TTLL11: variants seen among roughly 807,000 people sequenced by gnomAD.
The protein encoded by TTLL11 is tubulin tyrosine ligase like 11, also known as tubulin polyglutamylase TTLL11.
Under a neutral mutation model 51.7 loss-of-function variants are expected in TTLL11, and 42 were observed. The ratio of observed to expected loss-of-function variants is 0.81; its 90% CI spans 0.64 to 1.05. The LOEUF is 1.05. Among genes scored for constraint, TTLL11 ranks in the 50% least tolerant of loss-of-function variants. TTLL11 has a pLI of 0.00. For synonymous variants in TTLL11, 381 were observed against 383.5 expected (o/e 0.99, Z 0.08); for missense variants, 799 against 940.4 (o/e 0.85, Z 1.97).
chr9:121,878,992 G>A (rs1838671607), intron 6 of TTLL11, among the ~76,000 whole-genome samples: 2 of 152,194 alleles, frequency 1.3e-5, no homozygotes, highest in Non-Finnish European at 2.9e-5. Flanking sequence ...CTCACAAGCT[G>A]TGTGACCTTG....
At chr9:121,826,513 A>ATATATATATATGTGTG (rs1564260406) in intron 8 of TTLL11, among the ~76,000 whole-genome samples, 1 of 89,166 alleles carries the variant, frequency 1.1e-5, no homozygotes, top group South Asian at 3.7e-4. Context: ...ATATATATAT[A>ATATATATATATGTGTG]TGTATATATA....
rs558762872 is a variant in TTLL11, at chr9:121,974,131, C to T, written c.1366-7G>A. On this transcript the variant is annotated splice_polypyrimidine_tract_variant and splice_region_variant and intron_variant, in intron 5 of 8. Coordinates refer to ENST00000321582, the MANE Select transcript of TTLL11 (RefSeq NM_001139442.2). Reference sequence around the variant, plus strand: ...CAAACACCCCTGGAGAAAGCTTGAACGGGTAAGGATTCTGTGTCACAGTGG... The same window carrying T: ...CAAACACCCCTGGAGAAAGCTTGAATGGGTAAGGATTCTGTGTCACAGTGG... 3.5e-5 allele frequency: 54 copies of T among 1,547,302 alleles called. No individual in the cohort carries two copies. The highest frequency in any genetic ancestry group is 1.4e-4 in the Admixed American group (7 of 50,946).
At chr9:121,863,485 GTAGAAAA>G (rs1191504284) in intron 7 of TTLL11, among the ~76,000 whole-genome samples, 1 of 152,068 alleles carries the variant, frequency 6.6e-6, no homozygotes, top group African/African-American at 2.4e-5. Flanking sequence ...TTTCTGACAG[GTAGAAAA>G]TAGAAGTGTC....
At chr9:121,841,171 C>T (rs1837333920) in intron 8 of TTLL11, among the ~76,000 whole-genome samples, 1 of 152,120 alleles carries the variant, frequency 6.6e-6, no homozygotes, top group Non-Finnish European at 1.5e-5. Context: ...AGCAGAGGCC[C>T]CACGATGGAA....
intron 1 of TTLL11, among the ~76,000 whole-genome samples, chr9:122,090,464 G>T (rs1846230773): frequency 6.6e-6 from 1 of 152,070 alleles, no homozygotes; most frequent in Admixed American, 6.5e-5. Context: ...CCTCTGCTTT[G>T]CCCACACCAC....
intron 1 of TTLL11, among the ~76,000 whole-genome samples, chr9:122,053,180 C>T (rs993899445): frequency 6.6e-6 from 1 of 152,140 alleles, no homozygotes; most frequent in African/African-American, 2.4e-5. Flanking sequence ...GGAGCCGGGT[C>T]GGGGTAGAGG....
intron 8 of TTLL11, among the ~76,000 whole-genome samples, chr9:121,855,290 C>T (rs2131373344): frequency 6.6e-6 from 1 of 152,334 alleles, no homozygotes; most frequent in East Asian, 1.9e-4. Flanking sequence ...TTCTATGCAC[C>T]TGAGGTCTAA....
intron 6 of TTLL11, among the ~76,000 whole-genome samples, chr9:121,949,417 A>T (rs1266726743): frequency 6.6e-6 from 1 of 152,202 alleles, no homozygotes; most frequent in African/African-American, 2.4e-5. Flanking sequence ...TCCAACACAA[A>T]TTAGTTGGAT....
chr9:122,090,640 G>A (rs558630322), intron 1 of TTLL11, among the ~76,000 whole-genome samples: 14 of 152,218 alleles, frequency 9.2e-5, no homozygotes, highest in Non-Finnish European at 2.1e-4. Context: ...ATCACATAAT[G>A]TATTCATTCA....
chr9:121,953,382 C>T lies in TTLL11; in HGVS notation c.1481+20627G>A, dbSNP rs369015289. 3.3e-5 allele frequency among the ~76,000 whole-genome samples: 5 copies of T among 152,208 alleles called. No individual in the cohort carries two copies. The East Asian group carries it at 9.7e-4, about 29-fold the overall frequency. Reference sequence around the variant, plus strand: ...GCACTGTGGCTCACGTGTGTAATCCCAGCACATTGGGTGGCTGAGGCGGGC... The same window carrying T: ...GCACTGTGGCTCACGTGTGTAATCCTAGCACATTGGGTGGCTGAGGCGGGC... On this transcript the variant is annotated intron_variant, in intron 6 of 8. Coordinates refer to ENST00000321582, the MANE Select transcript of TTLL11 (RefSeq NM_001139442.2).
At chr9:121,948,158 C>T (rs918658549) in intron 6 of TTLL11, among the ~76,000 whole-genome samples, 2 of 152,020 alleles carry the variant, frequency 1.3e-5, no homozygotes, top group Non-Finnish European at 2.9e-5. Flanking sequence ...CCAATCATCC[C>T]TATTTTACAG....
chr9:121,850,732 G>A (rs941034765), intron 8 of TTLL11, among the ~76,000 whole-genome samples: 1 of 152,134 alleles, frequency 6.6e-6, no homozygotes, highest in African/African-American at 2.4e-5. Context: ...CACTGTCACA[G>A]ACACACCCAG....
Position 121,989,924 on chromosome 9 carries a change from G to A in TTLL11, c.694-154C>T, listed in dbSNP as rs1490539937. ...GAGCATCTTCCATGGAGATGACACT[G>A]CACAAGGTACTGAGATGGTGACATC... On this transcript the variant is annotated intron_variant, in intron 3 of 8. Coordinates refer to ENST00000321582, the MANE Select transcript of TTLL11 (RefSeq NM_001139442.2). This position sits in a 1 kb window ranked among gnomAD's most constrained non-coding sequence, Gnocchi z 4.2. Among the ~76,000 whole-genome samples, 1 of 152,218 alleles carries A rather than the reference G, an allele frequency of 6.6e-6. No individual in the cohort carries two copies. The highest frequency in any genetic ancestry group is 1.5e-5 in the Non-Finnish European group (1 of 68,046).
intron 8 of TTLL11, among the ~76,000 whole-genome samples, chr9:121,831,400 G>A (rs186867116): frequency 1.1e-4 from 16 of 152,282 alleles, no homozygotes. Context: ...GTGGAGTGAA[G>A]AAGTTAAGAG....
chr9:122,090,700 A>G (rs1333011282), intron 1 of TTLL11, among the ~76,000 whole-genome samples: 1 of 152,228 alleles, frequency 6.6e-6, no homozygotes, highest in Non-Finnish European at 1.5e-5. Flanking sequence ...ACCTGCGGGT[A>G]CAGCAATAAA....
In TTLL11 at chr9:121,822,725, G is replaced by A. The variant is rs1350182889; in HGVS notation, c.1995C>T (p.Gly665=). ...GTGGGGGCCGGCCCCCCGACGGGAC[G>A]CCCCGGCCACACACCAGGCGTTTTT... ...LDEKRLVCGR[G]VPSGGRPPHR... The change falls in exon 9 of 9, where the codon GGC becomes GGT. Residue 665 remains glycine, a synonymous_variant. Coordinates refer to ENST00000321582, the MANE Select transcript of TTLL11 (RefSeq NM_001139442.2). The surrounding 1 kb of genome is among the most constrained non-coding windows in gnomAD (Gnocchi z 5.8). 8 of 1,551,156 alleles carry A rather than the reference G, an allele frequency of 5.2e-6. No homozygotes were observed. The highest frequency in any genetic ancestry group is 2.4e-5 in the East Asian group (1 of 40,896).
chr9:121,822,550 C>T lies in TTLL11; in HGVS notation c.*37G>A, dbSNP rs1836609891. 4 of 1,425,098 alleles carry T rather than the reference C, an allele frequency of 2.8e-6. No homozygotes were observed. In the South Asian group the frequency reaches 4.7e-5, roughly 17 times the overall value. The allele number at this position is 1,425,098 out of a possible 1,614,324, so 88.3% of individuals were successfully genotyped here. On this transcript the variant is annotated 3_prime_UTR_variant, in exon 9 of 9. Transcript: ENST00000321582. This position sits in a 1 kb window ranked among gnomAD's most constrained non-coding sequence, Gnocchi z 5.8. ...TGGGGCGCTCCAGCCCTGAAAGCTG[C>T]TCTCGTCTTCCGTTTTCCAGGAGGA...
rs530981880 is a variant in TTLL11, at chr9:121,963,032, A to C, written c.1481+10977T>G. Among the ~76,000 whole-genome samples the C allele has an allele frequency of 2.6e-4, 40 of 152,310 alleles. No homozygotes were observed. The South Asian group carries it at 7.7e-3, about 29-fold the overall frequency. On this transcript the variant is annotated intron_variant, in intron 6 of 8. Coordinates refer to ENST00000321582, the MANE Select transcript of TTLL11 (RefSeq NM_001139442.2). ...CTCTTGCAGGGCGAGAGCTAGACAG[A>C]CCTGGCTTTAAATCTCAGTCTGTCT...
chr9:121,834,925 A>G (rs1475934151), intron 8 of TTLL11, among the ~76,000 whole-genome samples: 1 of 151,838 alleles, frequency 6.6e-6, no homozygotes, highest in African/African-American at 2.4e-5. Context: ...CTATCACAAT[A>G]GTGGTTTCAT....
Sources: allele counts gnomAD v4.1 joint callset (sites outside exome capture counted in the v4.1 genomes callset), GRCh38; gene constraint gnomAD v4.1.1; non-coding constraint Gnocchi (gnomAD v3.1); transcripts MANE v1.5; gene names NCBI Gene and HGNC (gene_info 2026-07-23, HGNC 2026-07-21).